Variants in DFFA observed in about 807,000 individuals in gnomAD.
DFFA encodes DFF45.
DFFA carries 14 observed loss-of-function variants against 28.0 expected under a neutral mutation model. The observed-to-expected ratio is 0.50, with a 90% CI of 0.33 to 0.78. The LOEUF (loss-of-function observed/expected upper bound fraction) is 0.78. DFFA is among the 30% of genes least tolerant of loss of function. The probability of loss-of-function intolerance (pLI) is 0.02; values close to 1 mark genes in which losing one functional copy is unlikely to be tolerated. For synonymous variants in DFFA, 158 were observed against 170.3 expected (o/e 0.93, Z 0.56); for missense variants, 395 against 407.1 (o/e 0.97, Z 0.26).
chr1:10,469,025 G>T, intron 2 of DFFA, 152 bp downstream of exon 2: 2 of 806,738 alleles, frequency 2.5e-6, no homozygotes, highest in African/African-American at 1.7e-5. Flanking sequence ...CCAGGACTCA[G>T]CACCATGTCT....
chr1:10,472,520 T>C lies in DFFA; in HGVS notation c.-62A>G. 1 of 1,531,672 alleles carries C rather than the reference T, an allele frequency of 6.5e-7. No homozygotes were observed. Among genetic ancestry groups the C allele is most frequent in the Non-Finnish European group, 8.8e-7 (1 of 1,131,048 alleles). The allele number at this position is 1,531,672 out of a possible 1,614,324, so 94.9% of individuals were successfully genotyped here. A position where few individuals can be genotyped will look rare whatever the true frequency, so the allele number is the denominator to read the frequency against. On this transcript the variant is annotated 5_prime_UTR_variant, in exon 1 of 6. Coordinates refer to ENST00000377038, the MANE Select transcript of DFFA (RefSeq NM_004401.3). This position sits in a 1 kb window ranked among gnomAD's most constrained non-coding sequence, Gnocchi z 5.0. ...CGCGGGAGGCCGGAGCGGCGGTCCT[T>C]CTACTCGACCCCCTTCCGCAGCCTG...
At chr1:10,464,060 G>A (rs1378608828) in intron 3 of DFFA, among the ~76,000 whole-genome samples, 3 of 151,814 alleles carry the variant, frequency 2.0e-5, no homozygotes, top group East Asian at 3.9e-4. Context: ...TATGATAGTT[G>A]GCAGACAGTC....
chr1:10,470,229 C>G (rs975746283), intron 1 of DFFA, among the ~76,000 whole-genome samples: 1 of 152,062 alleles, frequency 6.6e-6, no homozygotes, highest in Non-Finnish European at 1.5e-5. Context: ...AGTAACTTGT[C>G]TAAGATCACA....
In DFFA at chr1:10,469,310, G is replaced by C. The variant is rs1641063422; in HGVS notation, c.165C>G (p.Ser55=). The change falls in exon 2 of 6, where the codon TCC becomes TCG. Residue 55 remains serine, a synonymous_variant. Coordinates refer to ENST00000377038, the MANE Select transcript of DFFA (RefSeq NM_004401.3). ...CCAGGACCAGGGTGACTGGTGTCAG[G>C]GACTTATCAATGGCCAGAATGTCAC... is the stretch of plus-strand genomic sequence containing the variant. ...KACDILAIDK[S]LTPVTLVLAE... 2 of 1,613,912 alleles carry C rather than the reference G, an allele frequency of 1.2e-6. No individual in the cohort carries two copies. Among genetic ancestry groups the C allele is most frequent in the African/African-American group, 1.3e-5 (1 of 75,008 alleles).
intron 2 of DFFA, among the ~76,000 whole-genome samples, chr1:10,468,492 C>T (rs1222875968): frequency 6.6e-6 from 1 of 151,526 alleles, no homozygotes; most frequent in African/African-American, 2.4e-5. Flanking sequence ...ATTGAGAAAC[C>T]CTGGTTTGAT....
At chr1:10,469,650 A>C (rs1378358559) in intron 1 of DFFA, among the ~76,000 whole-genome samples, 2 of 152,002 alleles carry the variant, frequency 1.3e-5, no homozygotes, top group Non-Finnish European at 2.9e-5. Context: ...CCTCCCGAGT[A>C]GTTGGGATTA....
chr1:10,470,740 A>C lies in DFFA; in HGVS notation c.137-1402T>G, dbSNP rs1274232518. On this transcript the variant is annotated intron_variant, in intron 1 of 5. Coordinates refer to ENST00000377038, the MANE Select transcript of DFFA (RefSeq NM_004401.3). ...GGACCCGGCCCTCAGGTGTCCTCTT[A>C]AATTCTCCTATGTGTAAAAATGTCA... Among the ~76,000 whole-genome samples, 3 of 148,604 alleles carry C rather than the reference A, an allele frequency of 2.0e-5. No homozygotes were observed. The East Asian group carries it at 6.2e-4, about 31-fold the overall frequency.
chr1:10,461,615 G>C lies in DFFA; in HGVS notation c.871C>G (p.Arg291Gly), dbSNP rs17856222. 1.2e-6 allele frequency: 2 copies of C among 1,614,218 alleles called. No individual in the cohort carries two copies. The highest frequency in any genetic ancestry group is 2.2e-5 in the South Asian group (2 of 91,080). ...KTETVQEACE[R>G]ELALRLQQTQ... ...TGCTGCAGGCGCAGGGCGAGCTCCC[G>C]CTCACAGGCCTCCTGAACAGTCTCC... The change falls in exon 6 of 6, where the codon CGG becomes GGG. Residue 291 changes from arginine to glycine, a missense_variant. By Grantham distance (125) the Arg-to-Gly change is moderately radical. Transcript: ENST00000377038.
chr1:10,461,332 AT>A lies in DFFA; in HGVS notation c.*157del. 2.3e-6 allele frequency: 3 copies of A among 1,317,216 alleles called. No homozygotes were observed. Among genetic ancestry groups the A allele is most frequent in the Non-Finnish European group, 2.0e-6 (2 of 995,620 alleles). The allele number at this position is 1,317,216 out of a possible 1,614,324, so 81.6% of individuals were successfully genotyped here. A position where few individuals can be genotyped will look rare whatever the true frequency, so the allele number is the denominator to read the frequency against. On this transcript the variant is annotated 3_prime_UTR_variant, in exon 6 of 6. Coordinates refer to ENST00000377038, the MANE Select transcript of DFFA (RefSeq NM_004401.3). ...TGAAGCTGGTGGGGCTAAAAAAAAA[AT>A]TGGTGGAACGGCGTATGTTGAGACC...
intron 1 of DFFA, among the ~76,000 whole-genome samples, chr1:10,471,797 G>A (rs1334971952): frequency 6.6e-6 from 1 of 152,218 alleles, no homozygotes; most frequent in Non-Finnish European, 1.5e-5. Flanking sequence ...TAAGTGCAAG[G>A]CCAAGCAGCT....
intron 1 of DFFA, among the ~76,000 whole-genome samples, chr1:10,470,417 T>C (rs1049040522): frequency 1.4e-5 from 2 of 145,322 alleles, no homozygotes; most frequent in African/African-American, 2.6e-5. Flanking sequence ...TTATTCAGTT[T>C]TCCTCTTTTT....
At chr1:10,464,790 G>C (rs1195745995) in intron 3 of DFFA, among the ~76,000 whole-genome samples, 3 of 152,126 alleles carry the variant, frequency 2.0e-5, no homozygotes, top group African/African-American at 4.8e-5. Context: ...TTCCAGTCTA[G>C]AGTAGCCTCC....
chr1:10,471,363 G>T (rs886164711), intron 1 of DFFA, among the ~76,000 whole-genome samples: 2 of 152,222 alleles, frequency 1.3e-5, no homozygotes, highest in South Asian at 2.1e-4. Context: ...GCGCTGGACT[G>T]CAGAGAACAC....
rs2124351208 is a variant in DFFA at position 10,472,061 on chromosome 1, A to G, written c.136+262T>C. Among the ~76,000 whole-genome samples, 1 of 152,266 alleles carries G rather than the reference A, an allele frequency of 6.6e-6. No individual in the cohort carries two copies. The highest frequency in any genetic ancestry group is 1.9e-4 in the East Asian group (1 of 5,180). On this transcript the variant is annotated intron_variant, in intron 1 of 5. Transcript: ENST00000377038. The surrounding 1 kb of genome is among the most constrained non-coding windows in gnomAD (Gnocchi z 5.0). ...TCCAACATCGAAGTGATTTCAGGCA[A>G]GAGACCTAAGCCGAGTCTGGCTTAA...
chr1:10,463,288 C>T (rs1640975621), intron 4 of DFFA, 79 bp from the exon 5 acceptor site: 17 of 1,573,532 alleles, frequency 1.1e-5, no homozygotes, highest in South Asian at 5.7e-5. Context: ...AATAACTGGC[C>T]GGGCAAGAGA....
At chr1:10,470,109 T>C (rs543687119) in intron 1 of DFFA, among the ~76,000 whole-genome samples, 31 of 152,134 alleles carry the variant, frequency 2.0e-4, no homozygotes, top group Non-Finnish European at 3.5e-4. Flanking sequence ...CAACCGCGCC[T>C]GGCCTAAGTG....
chr1:10,464,527 C>T (rs1640996794), intron 3 of DFFA, among the ~76,000 whole-genome samples: 1 of 152,034 alleles, frequency 6.6e-6, no homozygotes, highest in Admixed American at 6.6e-5. Flanking sequence ...CCAGCCTGGG[C>T]AACATGGTGA....
intron 5 of DFFA, chr1:10,462,757 C>G (rs946988095): frequency 1.6e-6 from 2 of 1,234,652 alleles, no homozygotes; most frequent in Non-Finnish European, 1.0e-6. Flanking sequence ...TGGAAAGACC[C>G]AGAAGCCATC....
At chr1:10,466,084 G>C (rs1570106676) in intron 3 of DFFA, among the ~76,000 whole-genome samples, 1 of 152,060 alleles carries the variant, frequency 6.6e-6, no homozygotes, top group Admixed American at 6.6e-5. Flanking sequence ...GGAAGTCGAG[G>C]ATGCAGTGAG....
Sources: gnomAD v4.1 joint callset for allele counts (sites outside exome capture counted in the v4.1 genomes callset) on GRCh38, gnomAD v4.1.1 for gene constraint, Gnocchi (gnomAD v3.1) non-coding constraint, MANE v1.5 for transcripts, NCBI Gene and HGNC (gene_info 2026-07-23, HGNC 2026-07-21) for gene names.